The following ARHGAP6 variants were observed in gnomAD, a reference collection of about 807,000 sequenced individuals.
The protein encoded by ARHGAP6 is rho GTPase-activating protein 6.
A neutral mutation model predicts 55.7 loss-of-function variants in ARHGAP6; 16 were observed. The ratio of observed to expected loss-of-function variants is 0.29; its 90% CI spans 0.19 to 0.44. The LOEUF (loss-of-function observed/expected upper bound fraction) is 0.44, where lower values mean the gene tolerates loss of function less well. Among genes scored for constraint, ARHGAP6 ranks in the 20% least tolerant of loss-of-function variants. The pLI is 1.00. For synonymous variants in ARHGAP6, 382 were observed against 360.9 expected (o/e 1.06, Z -0.66); for missense variants, 698 against 808.9 (o/e 0.86, Z 1.66).
At chrX:11,395,479 T>C (rs1417257555) in intron 1 of ARHGAP6, among the ~76,000 whole-genome samples, 1 of 112,221 alleles carries the variant, frequency 8.9e-6, no homozygotes, top group African/African-American at 3.2e-5. Context: ...CATTTGTTAA[T>C]TTCCATAATA....
At chrX:11,408,908 T>TAC (rs373105469) in intron 1 of ARHGAP6, among the ~76,000 whole-genome samples, 347 of 104,843 alleles carry the variant, frequency 3.3e-3, no homozygotes, top group East Asian at 5.1e-3. Flanking sequence ...CACACACACA[T>TAC]ACACACACAC....
At chrX:11,327,787 A>G in intron 1 of ARHGAP6, among the ~76,000 whole-genome samples, 1 of 111,952 alleles carries the variant, frequency 8.9e-6, no homozygotes, top group Admixed American at 9.4e-5. Flanking sequence ...TTTTGAGTAT[A>G]ATCGTGTGCT....
At chrX:11,336,747 T>C (rs2048642641) in intron 1 of ARHGAP6, among the ~76,000 whole-genome samples, 1 of 111,576 alleles carries the variant, frequency 9.0e-6, no homozygotes, top group Non-Finnish European at 1.9e-5. Flanking sequence ...GGGAAAGAAT[T>C]TGGGAGTGCT....
intron 1 of ARHGAP6, among the ~76,000 whole-genome samples, chrX:11,324,746 T>C (rs1463354103): frequency 8.9e-6 from 1 of 112,368 alleles, no homozygotes; most frequent in Non-Finnish European, 1.9e-5. Context: ...TGTCTTGAGC[T>C]TGATGCTGAG....
intron 1 of ARHGAP6, among the ~76,000 whole-genome samples, chrX:11,394,039 A>T (rs955257559): frequency 1.8e-5 from 2 of 111,320 alleles, no homozygotes; most frequent in African/African-American, 6.5e-5. Flanking sequence ...AAGGTGCCAA[A>T]ATGATAAGCG....
At chrX:11,516,521 G>A (rs945842416) in intron 1 of ARHGAP6, among the ~76,000 whole-genome samples, 5 of 111,398 alleles carry the variant, frequency 4.5e-5, no homozygotes, top group Non-Finnish European at 9.4e-5. Flanking sequence ...CAACATTTTA[G>A]CTATCATAAC....
chrX:11,319,515 C>A (rs2048404212), intron 1 of ARHGAP6, among the ~76,000 whole-genome samples: 1 of 111,701 alleles, frequency 9.0e-6, no homozygotes, highest in South Asian at 3.7e-4. Flanking sequence ...TACACCTGTA[C>A]CCCTCTCATT....
chrX:11,230,387 G>A (rs1210744931), intron 2 of ARHGAP6, among the ~76,000 whole-genome samples: 4 of 110,611 alleles, frequency 3.6e-5, no homozygotes, highest in Non-Finnish European at 7.6e-5. Flanking sequence ...TAGTAGAGAC[G>A]GGGTTTCAGC....
At chrX:11,538,748 T>A (rs1438308841) in intron 1 of ARHGAP6, among the ~76,000 whole-genome samples, 2 of 111,382 alleles carry the variant, frequency 1.8e-5, no homozygotes, top group Middle Eastern at 4.2e-3. Flanking sequence ...AATCCAGATG[T>A]TAGATTAATA....
At chrX:11,447,366 T>C (rs952386774) in intron 1 of ARHGAP6, among the ~76,000 whole-genome samples, 30 of 112,447 alleles carry the variant, frequency 2.7e-4, no homozygotes, top group African/African-American at 9.0e-4. Context: ...AATATGAACT[T>C]GGAAACCTTC....
At chrX:11,661,274 T>C (rs951935663) in intron 1 of ARHGAP6, among the ~76,000 whole-genome samples, 1 of 112,522 alleles carries the variant, frequency 8.9e-6, no homozygotes, top group East Asian at 2.8e-4. Flanking sequence ...ACGTTCCAAC[T>C]GTGTTACCAC....
chrX:11,346,747 GAAAGAA>G, intron 1 of ARHGAP6, among the ~76,000 whole-genome samples: 1 of 108,669 alleles, frequency 9.2e-6, no homozygotes, highest in Non-Finnish European at 1.9e-5. Context: ...AAGAAAGAAA[GAAAGAA>G]AGAGAGAAAG....
At chrX:11,174,565 C>CCTT (rs2046148448) in intron 8 of ARHGAP6, among the ~76,000 whole-genome samples, 1 of 73,378 alleles carries the variant, frequency 1.4e-5, no homozygotes, top group East Asian at 3.6e-4. Flanking sequence ...TTCCTTCCTT[C>CCTT]CTTCCTTCCT....
intron 1 of ARHGAP6, among the ~76,000 whole-genome samples, chrX:11,435,774 C>G (rs1199257898): frequency 9.0e-6 from 1 of 111,624 alleles, no homozygotes; most frequent in African/African-American, 3.3e-5. Flanking sequence ...GAAAATAGTC[C>G]TAAGTGTATG....
intron 1 of ARHGAP6, among the ~76,000 whole-genome samples, chrX:11,490,574 C>T (rs2050557628): frequency 9.0e-6 from 1 of 111,636 alleles, no homozygotes; most frequent in Non-Finnish European, 1.9e-5. Flanking sequence ...TGGTAAGCCT[C>T]TAAGTTTGTG....
chrX:11,223,357 C>T (rs2046998541), intron 2 of ARHGAP6: 1 of 135,834 alleles, frequency 7.4e-6, no homozygotes, highest in Non-Finnish European at 1.6e-5. Context: ...CTATCTTGTA[C>T]ATATTGGTGT....
chrX:11,201,163 G>C (rs1337998733), intron 2 of ARHGAP6, among the ~76,000 whole-genome samples: 1 of 112,232 alleles, frequency 8.9e-6, no homozygotes, highest in Non-Finnish European at 1.9e-5. Flanking sequence ...GCACTAATAT[G>C]AGAGTTAGTT....
chrX:11,177,963 C>T (rs930174365), intron 8 of ARHGAP6, 137 bp downstream of exon 8: 8 of 796,889 alleles, frequency 1.0e-5, no homozygotes, highest in East Asian at 6.4e-5. Flanking sequence ...CTGCATTAGT[C>T]TCTTCCTACA....
intron 1 of ARHGAP6, among the ~76,000 whole-genome samples, chrX:11,479,991 G>A (rs1438079984): frequency 2.7e-5 from 3 of 111,401 alleles, no homozygotes; most frequent in South Asian, 3.8e-4. Flanking sequence ...AGGAAGGCTG[G>A]GCAAGGATTA....
Sources: gnomAD v4.1 joint callset for allele counts (sites outside exome capture counted in the v4.1 genomes callset) on GRCh38, gnomAD v4.1.1 for gene constraint, MANE v1.5 for transcripts, NCBI Gene and HGNC (gene_info 2026-07-23, HGNC 2026-07-21) for gene names.